ALLC: variants seen among roughly 807,000 people sequenced by gnomAD.
ALLC encodes allantoicase.
Under a neutral mutation model 45.0 loss-of-function variants are expected in ALLC, and 40 were observed. The ratio of observed to expected loss-of-function variants is 0.89; its 90% CI spans 0.69 to 1.16. ALLC has a LOEUF of 1.16. Among genes scored for constraint, ALLC ranks in the 50% most tolerant of loss-of-function variants. The probability of loss-of-function intolerance (pLI) is 0.00; values close to 1 mark genes in which losing one functional copy is unlikely to be tolerated. For synonymous variants in ALLC, 176 were observed against 178.1 expected, an observed-to-expected ratio of 0.99 and a Z score of 0.09; for missense variants, 488 against 493.1, an observed-to-expected ratio of 0.99 and a Z score of 0.10.
chr2:3,656,978 G>T (rs545117460), upstream of ALLC, among the ~76,000 whole-genome samples: 1 of 152,214 alleles, frequency 6.6e-6, no homozygotes, highest in South Asian at 2.1e-4. Context: ...GGCGGCGAGC[G>T]GGGGCACTGC....
At chr2:3,651,852 T>G in the ALLC span, among the ~76,000 whole-genome samples, 2 of 152,124 alleles carry the variant, frequency 1.3e-5, no homozygotes, top group African/African-American at 4.8e-5. Context: ...GGCCTGAAAC[T>G]GCTCTCGCGC....
In ALLC at chr2:3,701,505, C is replaced by A. The variant is rs768540579; in HGVS notation, c.851-7C>A. ...GCAGAAAATCACGCTGTGTTTTGCT[C>A]CAACAGGCAATGCTCCTGACAGCTG... On this transcript the variant is annotated splice_region_variant and splice_polypyrimidine_tract_variant and intron_variant, in intron 10 of 11. Transcript: ENST00000252505. 3 of 1,584,500 alleles carry A rather than the reference C, an allele frequency of 1.9e-6. No individual in the cohort carries two copies. Among genetic ancestry groups the A allele is most frequent in the Middle Eastern group, 3.3e-4 (2 of 6,008 alleles).
intron 1 of ALLC, among the ~76,000 whole-genome samples, chr2:3,670,635 C>T (rs1378335357): frequency 6.6e-6 from 1 of 152,130 alleles, no homozygotes; most frequent in South Asian, 2.1e-4. Context: ...CGTCTGTTCC[C>T]GTGTGGGGGT....
the ALLC span, among the ~76,000 whole-genome samples, chr2:3,650,457 C>T: frequency 3.3e-5 from 5 of 152,188 alleles, no homozygotes; most frequent in Non-Finnish European, 5.9e-5. Context: ...AGAGAAACAG[C>T]GCACCACGGT....
the ALLC span, among the ~76,000 whole-genome samples, chr2:3,647,312 C>A: frequency 1.1e-4 from 1 of 8,808 alleles, no homozygotes; most frequent in Non-Finnish European, 3.8e-4. Context: ...CACACACTCA[C>A]ACACACACAC....
rs776921125 is a variant in ALLC, at chr2:3,702,425, T to C, written c.1038T>C (p.Thr346=). ...CCCTAGAGCTCCAAGATGTCATCACTCACGCCAGGCTCACCATCGTCCCCG... is the reference window on the plus strand; with the variant it reads ...CCCTAGAGCTCCAAGATGTCATCACCCACGCCAGGCTCACCATCGTCCCCG... ...SLTLELQDVI[T]HARLTIVPDG... Residue 346 remains threonine (T), a synonymous_variant, in exon 12 of 12, where the codon ACT becomes ACC. Coordinates refer to ENST00000252505, the MANE Select transcript of ALLC (RefSeq NM_018436.4). 1.9e-6 allele frequency: 3 copies of C among 1,613,068 alleles called. No individual in the cohort carries two copies. The highest frequency in any genetic ancestry group is 2.5e-6 in the Non-Finnish European group (3 of 1,179,798).
intron 10 of ALLC, among the ~76,000 whole-genome samples, chr2:3,699,828 C>T (rs1667777884): frequency 6.6e-6 from 1 of 152,086 alleles, no homozygotes; most frequent in African/African-American, 2.4e-5. Flanking sequence ...ATGTCCTTGG[C>T]CAACTTTTTA....
At chr2:3,675,960 C>T (rs1163186028) in intron 3 of ALLC, among the ~76,000 whole-genome samples, 5 of 152,228 alleles carry the variant, frequency 3.3e-5, no homozygotes, top group Non-Finnish European at 7.3e-5. Flanking sequence ...GGCCACCTGC[C>T]GCTGATTCCC....
intron 2 of ALLC, among the ~76,000 whole-genome samples, chr2:3,671,488 TG>T (rs1380437334): frequency 6.6e-6 from 1 of 152,264 alleles, no homozygotes; most frequent in East Asian, 1.9e-4. Flanking sequence ...GTCCTCTAGC[TG>T]GAGTTAAATC....
intron 1 of ALLC, among the ~76,000 whole-genome samples, chr2:3,664,311 A>C (rs1666642294): frequency 6.6e-6 from 1 of 152,192 alleles, no homozygotes; most frequent in Non-Finnish European, 1.5e-5. Flanking sequence ...GGATTTTACA[A>C]GGGTCTGTTT....
intron 1 of ALLC, among the ~76,000 whole-genome samples, chr2:3,667,842 G>A (rs1014177488): frequency 4.6e-5 from 7 of 152,200 alleles, no homozygotes; most frequent in African/African-American, 1.7e-4. Flanking sequence ...TCGGCTCACC[G>A]CAACCTCCGC....
intron 3 of ALLC, among the ~76,000 whole-genome samples, chr2:3,674,385 G>C (rs1666968751): frequency 6.6e-6 from 1 of 152,094 alleles, no homozygotes; most frequent in Non-Finnish European, 1.5e-5. Flanking sequence ...TGCTCTTCTG[G>C]GTAAGGTGAA....
intron 8 of ALLC, 21 bp downstream of exon 8, chr2:3,695,893 C>A: frequency 6.3e-7 from 1 of 1,585,378 alleles, no homozygotes; most frequent in South Asian, 1.2e-5. Context: ...ATTCTTGGAG[C>A]TGGCTTATTT....
At chr2:3,660,290 C>T (rs1169579912) in intron 1 of ALLC, among the ~76,000 whole-genome samples, 3 of 152,160 alleles carry the variant, frequency 2.0e-5, no homozygotes, top group Non-Finnish European at 4.4e-5. Context: ...TGGAAGCAGC[C>T]TGAGGCCCTC....
At chr2:3,651,442 T>TGTGTGTGTGTGTGTGAG in the ALLC span, among the ~76,000 whole-genome samples, 1 of 25,598 alleles carries the variant, frequency 3.9e-5, no homozygotes, top group East Asian at 4.2e-4. Context: ...TGTGTGTGTG[T>TGTGTGTGTGTGTGTGAG]TAGGAAGGGA....
chr2:3,673,329 G>A (rs1417656705), intron 2 of ALLC, among the ~76,000 whole-genome samples: 2 of 152,188 alleles, frequency 1.3e-5, no homozygotes, highest in African/African-American at 2.4e-5. Flanking sequence ...GGAGCAAGGG[G>A]GATCCTGATA....
intron 1 of ALLC, among the ~76,000 whole-genome samples, chr2:3,669,715 C>T (rs1666815177): frequency 6.6e-6 from 1 of 152,156 alleles, no homozygotes; most frequent in South Asian, 2.1e-4. Context: ...CAGGATGCTG[C>T]ACAGACTGGG....
At position 3,680,498 on chromosome 2, in the gene ALLC, C is replaced by T. The variant is rs1335199820; in HGVS notation, c.298+504C>T. On this transcript the variant is annotated intron_variant, in intron 5 of 11. Transcript: ENST00000252505. This position sits in a 1 kb window ranked among gnomAD's most constrained non-coding sequence, Gnocchi z 4.0. ...AATCCTGCAGGCTCTATAAATGAGA[C>T]GTATTCTGTGAAAGGGCCATATACA... 2.6e-5 allele frequency among the ~76,000 whole-genome samples: 4 copies of T among 152,158 alleles called. No individual in the cohort carries two copies. Among genetic ancestry groups the T allele is most frequent in the African/African-American group, 7.2e-5 (3 of 41,416 alleles).
chr2:3,665,025 A>G (rs961747462), intron 1 of ALLC, among the ~76,000 whole-genome samples: 2 of 152,150 alleles, frequency 1.3e-5, no homozygotes, highest in Non-Finnish European at 2.9e-5. Context: ...ATATATAAAT[A>G]TATTCAAAAA....
Sources: gnomAD v4.1 joint callset for allele counts (sites outside exome capture counted in the v4.1 genomes callset) on GRCh38, gnomAD v4.1.1 for gene constraint, Gnocchi (gnomAD v3.1) non-coding constraint, MANE v1.5 for transcripts, NCBI Gene and HGNC (gene_info 2026-07-23, HGNC 2026-07-21) for gene names.